Variants in VPS13C observed in about 807,000 individuals in gnomAD.
VPS13C encodes the protein intermembrane lipid transfer protein VPS13C.
A neutral mutation model predicts 456.8 loss-of-function variants in VPS13C; 358 were observed. The ratio of observed to expected loss-of-function variants is 0.78; its 90% CI spans 0.72 to 0.86. VPS13C has a LOEUF of 0.86. Ranked by LOEUF, VPS13C falls within the 40% of genes least tolerant of loss-of-function variation. VPS13C has a pLI of 0.00. For missense variants in VPS13C, 4,818 were observed against 4,385.4 expected (o/e 1.10, Z -2.79); for synonymous variants, 1,578 against 1,486.7 (o/e 1.06, Z -1.41).
Position 61,919,269 on chromosome 15 carries a change from A to C in VPS13C, c.7638+20T>G, listed in dbSNP as rs762646688. The C allele has an allele frequency of 1.3e-6, 2 of 1,577,838 alleles. No individual in the cohort carries two copies. The highest frequency in any genetic ancestry group is 2.4e-5 in the East Asian group (1 of 42,104). On this transcript the variant is annotated intron_variant, in intron 58 of 84. Coordinates refer to ENST00000644861, the MANE Select transcript of VPS13C (RefSeq NM_020821.3). ...TTTCTTGGTACACTGAAAGGGATAC[A>C]ATTAACTTTGAAGTATTACCTGTAG...
chr15:61,935,702 C>T (rs1382568337), intron 48 of VPS13C: 2 of 152,316 alleles, frequency 1.3e-5, no homozygotes, highest in Middle Eastern at 3.4e-3. Flanking sequence ...CAAGCTTATG[C>T]AATACTTAAA....
intron 66 of VPS13C, among the ~76,000 whole-genome samples, chr15:61,903,048 G>A (rs1018337985): frequency 3.9e-5 from 6 of 152,024 alleles, no homozygotes; most frequent in Non-Finnish European, 7.4e-5. Context: ...TCAAATGGCT[G>A]GGCACAGTGG....
intron 16 of VPS13C, among the ~76,000 whole-genome samples, chr15:61,994,153 T>C (rs1395655080): frequency 6.6e-6 from 1 of 152,146 alleles, no homozygotes; most frequent in Non-Finnish European, 1.5e-5. Context: ...TCAGGCCCTA[T>C]GTACTTTCCA....
At chr15:62,024,033 C>G (rs1278966772) in intron 6 of VPS13C, among the ~76,000 whole-genome samples, 188 bp from the exon 7 acceptor site, 3 of 152,088 alleles carry the variant, frequency 2.0e-5, no homozygotes, top group African/African-American at 7.2e-5. Flanking sequence ...CTAGAATAAC[C>G]TTCTATTGTA....
At chr15:61,922,168 G>C (rs370750055) in intron 54 of VPS13C, 135 bp from the exon 55 acceptor site, 3 of 1,043,310 alleles carry the variant, frequency 2.9e-6, no homozygotes, top group Admixed American at 5.2e-5. Flanking sequence ...ACAATATATA[G>C]AGTGTATTTT....
At chr15:62,000,669 T>C (rs2046580157) in intron 15 of VPS13C, 43 bp from the exon 16 acceptor site, 3 of 1,531,558 alleles carry the variant, frequency 2.0e-6, no homozygotes, top group African/African-American at 1.4e-5. Flanking sequence ...ATTTAATCAT[T>C]AGATAAAAGA....
chr15:61,918,173 G>A lies in VPS13C; in HGVS notation c.7723C>T (p.Pro2575Ser). 6.3e-7 allele frequency: 1 copy of A among 1,599,574 alleles called. No individual in the cohort carries two copies. The highest frequency in any genetic ancestry group is 8.5e-7 in the Non-Finnish European group (1 of 1,174,866). Residue 2575 changes from proline (P) to serine (S), a missense_variant, in exon 59 of 85, where the codon CCT becomes TCT. By Grantham distance (74) the Pro-to-Ser change is moderately conservative. Transcript: ENST00000644861. ...AAAGGAACATGGAACTCCTCTTCAG[G>A]TCTGGCTATCCCAATGCGCTCCAAT... Reference protein sequence around the residue: ...KLLERIGIARPEEEFHVPLDS... With the variant: ...KLLERIGIARSEEEFHVPLDS...
intron 9 of VPS13C, among the ~76,000 whole-genome samples, chr15:62,018,531 T>A (rs1009722972): frequency 6.6e-6 from 1 of 151,914 alleles, no homozygotes; most frequent in Non-Finnish European, 1.5e-5. Flanking sequence ...CTTTTCTGCA[T>A]CTATTGAGAT....
At chr15:61,955,874 G>A (rs771515016) in intron 37 of VPS13C, among the ~76,000 whole-genome samples, 15 of 152,146 alleles carry the variant, frequency 9.9e-5, no homozygotes, top group Non-Finnish European at 1.8e-4. Context: ...ACTGTAGGTA[G>A]AAATATACAT....
rs762267553 is a variant in VPS13C, at chr15:62,012,167, A to G, written c.826-3T>C. 3 of 1,538,824 alleles carry G rather than the reference A, an allele frequency of 1.9e-6. No homozygotes were observed. Among genetic ancestry groups the G allele is most frequent in the Admixed American group, 1.7e-5 (1 of 58,674 alleles). On this transcript the variant is annotated splice_region_variant and splice_polypyrimidine_tract_variant and intron_variant, in intron 11 of 84. Coordinates refer to ENST00000644861, the MANE Select transcript of VPS13C (RefSeq NM_020821.3). ...AGAATTTCATTTTTCAGCTGATCCT[A>G]AACAAAAAATTTGAATGAGAATGAA...
At chr15:62,040,650 A>T (rs903391993) in intron 3 of VPS13C, among the ~76,000 whole-genome samples, 8 of 152,160 alleles carry the variant, frequency 5.3e-5, no homozygotes, top group African/African-American at 1.9e-4. Context: ...CGCAATCCCC[A>T]CCATTACTCA....
chr15:61,966,101 T>A lies in VPS13C; in HGVS notation c.3033A>T (p.Lys1011Asn). 6.2e-7 allele frequency: 1 copy of A among 1,604,226 alleles called. No individual in the cohort carries two copies. Among genetic ancestry groups the A allele is most frequent in the Non-Finnish European group, 8.5e-7 (1 of 1,174,666 alleles). ...TTCTTACCTTAACTGTTTGTTCAGT[T>A]TTTCCAAAAGCAGTTTGAAAACTAG... Reference protein sequence around the residue: ...NGPSFQTAFGKTEQTVKVAFS... With the variant: ...NGPSFQTAFGNTEQTVKVAFS... The change falls in exon 30 of 85, where the codon AAA becomes AAT. Residue 1011 changes from lysine to asparagine, a missense_variant. This residue lies in a region of VPS13C where 4,552 missense variants were observed against 4,130.6 expected (regional missense o/e 1.10). Coordinates refer to ENST00000644861, the MANE Select transcript of VPS13C (RefSeq NM_020821.3).
intron 65 of VPS13C, 131 bp from the exon 66 acceptor site, chr15:61,907,521 C>T (rs1485986833): frequency 1.7e-6 from 2 of 1,208,498 alleles, no homozygotes; most frequent in African/African-American, 1.5e-5. Flanking sequence ...ACAACTCTAC[C>T]TAAAAACAAG....
chr15:61,940,559 C>A, intron 47 of VPS13C, 88 bp downstream of exon 47: 2 of 1,328,686 alleles, frequency 1.5e-6, no homozygotes, highest in Non-Finnish European at 2.0e-6. Context: ...GTAGCAACTC[C>A]TACATTCTGA....
intron 18 of VPS13C, among the ~76,000 whole-genome samples, chr15:61,987,691 C>T (rs533002229): frequency 3.9e-5 from 6 of 152,170 alleles, no homozygotes; most frequent in Admixed American, 6.5e-5. Context: ...AAACCACAGT[C>T]GAGGAACATA....
chr15:61,928,955 G>A (rs184287112), intron 51 of VPS13C, among the ~76,000 whole-genome samples: 185 of 152,044 alleles, frequency 1.2e-3, no homozygotes, highest in African/African-American at 4.3e-3. Context: ...GAAAAAAAAG[G>A]GAAAGAAAAT....
chr15:61,919,335 T>C lies in VPS13C; in HGVS notation c.7592A>G (p.Asp2531Gly). Residue 2531 changes from aspartate (D) to glycine (G), a missense_variant, in exon 58 of 85, where the codon GAT becomes GGT. Physicochemically the swap from Asp to Gly is moderately conservative, Grantham distance 94. Transcript: ENST00000644861. ...SHSDSVLVQI[D>G]ATEGNKVITL... is the part of the protein sequence containing the mutation. ...AATTACTTTATTCCCTTCAGTTGCA[T>C]CAATTTGTACCAAGACAGAGTCAGA... 6.2e-7 allele frequency: 1 copy of C among 1,606,990 alleles called. No homozygotes were observed. Among genetic ancestry groups the C allele is most frequent in the South Asian group, 1.1e-5 (1 of 89,498 alleles).
chr15:61,943,914 T>TAA (rs34088864), intron 45 of VPS13C, among the ~76,000 whole-genome samples: 10,048 of 144,292 alleles, frequency 0.07, 579 homozygotes, highest in East Asian at 0.2. Flanking sequence ...CCAGAATCTA[T>TAA]AAAAAAAAAA....
intron 73 of VPS13C, among the ~76,000 whole-genome samples, chr15:61,880,008 A>G (rs547305591): frequency 2.0e-5 from 3 of 152,140 alleles, no homozygotes; most frequent in Admixed American, 6.6e-5. Context: ...AATCTGGCCC[A>G]TTACACAAGT....
Sources: allele counts gnomAD v4.1 joint callset (sites outside exome capture counted in the v4.1 genomes callset), GRCh38; gene constraint gnomAD v4.1.1; regional missense constraint gnomAD v4.1.1; transcripts MANE v1.5; gene names NCBI Gene and HGNC (gene_info 2026-07-23, HGNC 2026-07-21).